Variants in APOBR observed in about 807,000 individuals in gnomAD.
APOBR encodes apolipoprotein B receptor.
APOBR carries 57 observed loss-of-function variants against 88.5 expected under a neutral mutation model. The observed-to-expected ratio is 0.64, with a 90% confidence interval of 0.52 to 0.80. The LOEUF (loss-of-function observed/expected upper bound fraction) is 0.80. Ranked by LOEUF, APOBR falls within the 30% of genes least tolerant of loss-of-function variation. APOBR has a pLI of 0.00. For missense variants in APOBR, 1,443 were observed against 1,401.6 expected (o/e 1.03, Z -0.47); for synonymous variants, 588 against 572.7 (o/e 1.03, Z -0.38).
rs1444621470 is a variant in APOBR at position 28,497,173 on chromosome 16, CA to C, written c.2133del (p.Pro713LeufsTer107). 14 of 1,602,982 alleles carry C rather than the reference CA, an allele frequency of 8.7e-6. No individual in the cohort carries two copies. Among genetic ancestry groups the C allele is most frequent in the Non-Finnish European group, 1.2e-5 (14 of 1,175,406 alleles). Reference sequence around the variant, plus strand: ...CTGGACGGAAGCACAGGGGCAGACGCAGGGCCTTGCCCGTCACTGGGAGAGG... The same window carrying C: ...CTGGACGGAAGCACAGGGGCAGACGCGGGCCTTGCCCGTCACTGGGAGAGG... The part of the protein sequence containing the change: ...QELDGSTGAD[A>X]GPCPSLGEAY... On this transcript the variant is annotated frameshift_variant, in exon 2 of 4. Transcript: ENST00000564831. LOFTEE classifies it high-confidence loss of function.
rs1373855719 is a variant in APOBR at position 28,498,182 on chromosome 16, G to A, written c.3057G>A (p.Arg1019=). The A allele has an allele frequency of 2.5e-6, 4 of 1,603,188 alleles. No homozygotes were observed. In the Admixed American group the frequency reaches 6.7e-5, roughly 27 times the overall value. Residue 1019 remains arginine, a synonymous_variant, in exon 3 of 4, where the codon CGG becomes CGA. Transcript: ENST00000564831. ...GTCGCTCCCGGCCCTCTTTTCGTCG[G>A]ACTCCGGCCTGGGAGCAGCAGGAGG... ...SQRRSRPSFR[R]TPAWEQQEEP...
At position 28,496,475 on chromosome 16, in the gene APOBR, C is replaced by CG. The variant is rs764357343; in HGVS notation, c.1434_1435insG (p.Arg479GlufsTer29). ...CTGAGATGAGGCAGGACTTGGGGAT[C>CG]AGGGCCGACCGGGCCAGGATGGAAG... On this transcript the variant is annotated frameshift_variant, in exon 2 of 4. Transcript: ENST00000564831. LOFTEE classifies it high-confidence loss of function. 1 of 1,607,116 alleles carries CG rather than the reference C, an allele frequency of 6.2e-7. No homozygotes were observed. The highest frequency in any genetic ancestry group is 1.7e-5 in the Admixed American group (1 of 59,084).
chr16:28,497,717 G>A lies in APOBR; in HGVS notation c.2676G>A (p.Gln892=). The change falls in exon 2 of 4, where the codon CAG becomes CAA. Residue 892 remains glutamine (Q), a synonymous_variant. Transcript: ENST00000564831. ...TLLEEEAVGW[Q]EREQREDSEG... is the part of the protein sequence containing the mutation. ...TGGAAGAAGAGGCTGTTGGATGGCA[G>A]GAGAGAGAACAGAGGGAAGACAGTG... 1.2e-6 allele frequency: 2 copies of A among 1,604,734 alleles called. No individual in the cohort carries two copies. Among genetic ancestry groups the A allele is most frequent in the Non-Finnish European group, 1.7e-6 (2 of 1,175,892 alleles).
rs753512570 is a variant in APOBR at position 28,496,868 on chromosome 16, G to A, written c.1827G>A (p.Ala609=). ...GCCTGGAGGCAGGTCCCAGGCACGC[G>A]GGGTCTGTAAAGCCTGAGGCCTCCG... The part of the protein sequence containing the change: ...ERSLEAGPRH[A]GSVKPEASEA... The change falls in exon 2 of 4, where the codon GCG becomes GCA. Residue 609 remains alanine (A), a synonymous_variant. Transcript: ENST00000564831. The A allele has an allele frequency of 1.4e-5, 22 of 1,559,804 alleles. No homozygotes were observed. The highest frequency in any genetic ancestry group is 1.7e-4 in the Middle Eastern group (1 of 6,014).
Position 28,496,643 on chromosome 16 carries a change from G to A in APOBR, c.1602G>A (p.Gly534=). 1 of 1,599,912 alleles carries A rather than the reference G, an allele frequency of 6.3e-7. No individual in the cohort carries two copies. Reference sequence around the variant, plus strand: ...CCAGGCCTGAGGAGGAGCTCACAGGGGAGGAGAGTGAGGCGGCCCAGACTA... The same window carrying A: ...CCAGGCCTGAGGAGGAGCTCACAGGAGAGGAGAGTGAGGCGGCCCAGACTA... ...PEARPEEELT[G]EESEAAQTSC... The change falls in exon 2 of 4, where the codon GGG becomes GGA. Residue 534 remains glycine (G), a synonymous_variant. Transcript: ENST00000564831.
chr16:28,498,336 C>G lies in APOBR; in HGVS notation c.3211C>G (p.Pro1071Ala). The change falls in exon 3 of 4, where the codon CCC (proline) becomes GCC (alanine). Residue 1071 changes from proline to alanine, a missense_variant. Coordinates refer to ENST00000564831, the MANE Select transcript of APOBR (RefSeq NM_018690.4). ...DGTPVPARRR[P>A]LGHGFGLAHP... Reference sequence around the variant, plus strand: ...GACCCCGGTGCCAGCCAGGAGAAGGCCCCTGGGACACGGGTAGGCACAGGG... The same window carrying G: ...GACCCCGGTGCCAGCCAGGAGAAGGGCCCTGGGACACGGGTAGGCACAGGG... 1 of 1,596,868 alleles carries G rather than the reference C, an allele frequency of 6.3e-7. No individual in the cohort carries two copies. Among genetic ancestry groups the G allele is most frequent in the Non-Finnish European group, 8.5e-7 (1 of 1,170,134 alleles).
Position 28,496,224 on chromosome 16 carries a change from C to T in APOBR, c.1183C>T (p.Pro395Ser), listed in dbSNP as rs759254802. The change falls in exon 2 of 4, where the codon CCA becomes TCA. Residue 395 changes from proline (P) to serine (S), a missense_variant. Coordinates refer to ENST00000564831, the MANE Select transcript of APOBR (RefSeq NM_018690.4). ...CAGACAGACAGAATATGGAGCAGTCCCAGGAGAAAGGCTCCTAGAGGCTAC... is the reference window on the plus strand; with the variant it reads ...CAGACAGACAGAATATGGAGCAGTCTCAGGAGAAAGGCTCCTAGAGGCTAC... ...GVRQTEYGAV[P>S]GERLLEATGK... 99 of 1,598,300 alleles carry T rather than the reference C, an allele frequency of 6.2e-5. No homozygotes were observed. In the South Asian group the frequency reaches 8.1e-4, roughly 13 times the overall value.
chr16:28,495,658 C>T lies in APOBR; in HGVS notation c.617C>T (p.Thr206Met), dbSNP rs578246087. The T allele has an allele frequency of 1.9e-5, 29 of 1,546,108 alleles. No homozygotes were observed. Among genetic ancestry groups the T allele is most frequent in the South Asian group, 8.4e-5 (7 of 83,452 alleles). ...TCAGAGTGGACCTGGCATGGGGAGA[C>T]GGAGGGGAAGGCTGGTGCTGTTGGG... ...AESEWTWHGE[T>M]EGKAGAVGPK... The change falls in exon 2 of 4, where the codon ACG becomes ATG. Residue 206 changes from threonine (T) to methionine (M), a missense_variant. Transcript: ENST00000564831.
At position 28,494,658 on chromosome 16, in the gene APOBR, G is replaced by A. The variant is rs1596571530; in HGVS notation, c.-24G>A. On this transcript the variant is annotated 5_prime_UTR_variant, in exon 1 of 4. Coordinates refer to ENST00000564831, the MANE Select transcript of APOBR (RefSeq NM_018690.4). ...GGGGACGGTCATTATCAGCTTTCTG[G>A]ACACACAGACAGAGACAGACAGGAT... 1 of 1,605,690 alleles carries A rather than the reference G, an allele frequency of 6.2e-7. No homozygotes were observed. The highest frequency in any genetic ancestry group is 8.5e-7 in the Non-Finnish European group (1 of 1,175,168).
At position 28,498,178 on chromosome 16, in the gene APOBR, G is replaced by A. The variant is rs369371291; in HGVS notation, c.3053G>A (p.Arg1018His). ...CAGCGTCGCTCCCGGCCCTCTTTTC[G>A]TCGGACTCCGGCCTGGGAGCAGCAG... ...SSQRRSRPSF[R>H]RTPAWEQQEE... Residue 1018 changes from arginine to histidine, a missense_variant, in exon 3 of 4, where the codon CGT (arginine) becomes CAT (histidine). Transcript: ENST00000564831. 3.7e-6 allele frequency: 6 copies of A among 1,602,244 alleles called. No individual in the cohort carries two copies. The African/African-American group carries it at 4.0e-5, about 11-fold the overall frequency.
At position 28,494,670 on chromosome 16, in the gene APOBR, GAGAC is replaced by G. The variant is rs778357780; in HGVS notation, c.-5_-2del. The G allele has an allele frequency of 1.1e-5, 17 of 1,611,468 alleles. No homozygotes were observed. The African/African-American group carries it at 1.9e-4, about 18-fold the overall frequency. On this transcript the variant is annotated 5_prime_UTR_variant, in exon 1 of 4. Transcript: ENST00000564831. ...TATCAGCTTTCTGGACACACAGACA[GAGAC>G]AGACAGGATGGACTTCCTCCGGCTA...
At position 28,496,119 on chromosome 16, in the gene APOBR, GGGGAGGA is replaced by G; in HGVS notation, c.1081_1087del (p.Glu361ProfsTer38). ...GGAGGAGGCCGGGACAGCCTCAGGA[GGGGAGGA>G]GGCCGGGACAGCCTCAGGAGGGGAC... is the stretch of plus-strand genomic sequence containing the variant. On this transcript the variant is annotated frameshift_variant, in exon 2 of 4. Coordinates refer to ENST00000564831, the MANE Select transcript of APOBR (RefSeq NM_018690.4). LOFTEE classifies it high-confidence loss of function. The G allele has an allele frequency of 6.5e-7, 1 of 1,530,212 alleles. No individual in the cohort carries two copies. 94.8% of individuals were successfully genotyped at this position (1,530,212 alleles called of 1,614,324 possible). A position where few individuals can be genotyped will look rare whatever the true frequency, so the allele number is the denominator to read the frequency against.
chr16:28,498,414 C>T lies in APOBR; in HGVS notation c.3225-22C>T, dbSNP rs1483702330. ...GCGGGCACCTGGGAACCTGTTCTCA[C>T]GGGCCTGACTTCCGCCTCCAGGTTT... On this transcript the variant is annotated intron_variant, in intron 3 of 3. Transcript: ENST00000564831. 2.3e-5 allele frequency: 36 copies of T among 1,598,972 alleles called. No homozygotes were observed. The East Asian group carries it at 3.4e-4, about 15-fold the overall frequency.
At position 28,497,791 on chromosome 16, in the gene APOBR, T is replaced by C; in HGVS notation, c.2750T>C (p.Leu917Pro). ...YHPEGEAPRL[L>P]DAEGLMVTGG... is the part of the protein sequence containing the mutation. ...CCTGAGGGAGAGGCACCAAGGCTCCTTGATGCAGAGGGTCTCATGGTGACC... is the reference window on the plus strand; with the variant it reads ...CCTGAGGGAGAGGCACCAAGGCTCCCTGATGCAGAGGGTCTCATGGTGACC... The change falls in exon 2 of 4, where the codon CTT (leucine) becomes CCT (proline). Residue 917 changes from leucine to proline, a missense_variant. Leu to Pro is a moderately conservative substitution (Grantham distance 98). Coordinates refer to ENST00000564831, the MANE Select transcript of APOBR (RefSeq NM_018690.4). 1 of 1,605,028 alleles carries C rather than the reference T, an allele frequency of 6.2e-7. No homozygotes were observed. Among genetic ancestry groups the C allele is most frequent in the Non-Finnish European group, 8.5e-7 (1 of 1,175,980 alleles).
Position 28,495,919 on chromosome 16 carries a change from G to C in APOBR, c.878G>C (p.Arg293Thr). 6.2e-7 allele frequency: 1 copy of C among 1,613,076 alleles called. No individual in the cohort carries two copies. The highest frequency in any genetic ancestry group is 8.5e-7 in the Non-Finnish European group (1 of 1,179,550). Residue 293 changes from arginine to threonine, a missense_variant, in exon 2 of 4, where the codon AGG (arginine) becomes ACG (threonine). Coordinates refer to ENST00000564831, the MANE Select transcript of APOBR (RefSeq NM_018690.4). ...ARTTPGREEA[R>T]AILDGEEART... ...ACAACCCCAGGTAGGGAAGAGGCCA[G>C]GGCAATTTTAGATGGGGAGGAAGCC... is the stretch of plus-strand genomic sequence containing the variant.
chr16:28,497,658 G>A lies in APOBR; in HGVS notation c.2617G>A (p.Glu873Lys). Residue 873 changes from glutamate (E) to lysine (K), a missense_variant, in exon 2 of 4, where the codon GAG becomes AAG. Transcript: ENST00000564831. The stretch of plus-strand genomic sequence containing the variant: ...GGCAGAGGGGATGGGAGCCATGGTG[G>A]AGGCTGGGGGGCTTCTAGAAAAGTG... ...ARAEGMGAMV[E>K]AGGLLEKWTL... The A allele has an allele frequency of 1.2e-6, 2 of 1,603,042 alleles. No homozygotes were observed. The highest frequency in any genetic ancestry group is 1.7e-6 in the Non-Finnish European group (2 of 1,174,908).
In APOBR at chr16:28,496,217, A is replaced by G; in HGVS notation, c.1176A>G (p.Gly392=). The G allele has an allele frequency of 6.3e-7, 1 of 1,594,316 alleles. No homozygotes were observed. ...DLLGVRQTEY[G]AVPGERLLEA... ...TGGGAGTCAGACAGACAGAATATGG[A>G]GCAGTCCCAGGAGAAAGGCTCCTAG... Residue 392 remains glycine, a synonymous_variant, in exon 2 of 4, where the codon GGA becomes GGG. Coordinates refer to ENST00000564831, the MANE Select transcript of APOBR (RefSeq NM_018690.4).
Position 28,498,514 on chromosome 16 carries a change from C to A in APOBR, c.*9C>A, listed in dbSNP as rs752188528. 6.3e-7 allele frequency: 1 copy of A among 1,586,484 alleles called. No individual in the cohort carries two copies. The highest frequency in any genetic ancestry group is 8.6e-7 in the Non-Finnish European group (1 of 1,167,114). ...GGCCTAAGCCCCAGTGACTGAGACC[C>A]GGTGCTCTGGGAGCCAGGCCCTGAG... is the stretch of plus-strand genomic sequence containing the variant. On this transcript the variant is annotated 3_prime_UTR_variant, in exon 4 of 4. Coordinates refer to ENST00000564831, the MANE Select transcript of APOBR (RefSeq NM_018690.4).
chr16:28,498,828 AC>A lies in APOBR; in HGVS notation c.*327del. The A allele has an allele frequency of 1.8e-6, 1 of 559,388 alleles. No homozygotes were observed. The highest frequency in any genetic ancestry group is 1.9e-5 in the African/African-American group (1 of 53,204). 34.7% of individuals were successfully genotyped at this position (559,388 alleles called of 1,614,324 possible). A position where few individuals can be genotyped will look rare whatever the true frequency, so the allele number is the denominator to read the frequency against. ...CTGGGCACGGGGGCTCACGCCTGTCACCCCAGAGCTTTGGGAGGCCAAGGTG... is the reference window on the plus strand; with the variant it reads ...CTGGGCACGGGGGCTCACGCCTGTCACCCAGAGCTTTGGGAGGCCAAGGTG... On this transcript the variant is annotated 3_prime_UTR_variant, in exon 4 of 4. Transcript: ENST00000564831.
Sources: gnomAD v4.1 joint callset for allele counts on GRCh38, gnomAD v4.1.1 for gene constraint, MANE v1.5 for transcripts, NCBI Gene and HGNC (gene_info 2026-07-23, HGNC 2026-07-21) for gene names.